EMC10: variants seen among roughly 807,000 people sequenced by gnomAD.
The protein encoded by EMC10 is UPF0510 protein INM02.
EMC10 carries 40 observed loss-of-function variants against 32.2 expected under a neutral mutation model. The ratio of observed to expected loss-of-function variants is 1.24; its 90% CI spans 0.96 to 1.61. EMC10 has a LOEUF of 1.61. EMC10 is among the 40% of genes most tolerant of loss of function. The probability of loss-of-function intolerance (pLI) is 0.00; values close to 1 mark genes in which losing one functional copy is unlikely to be tolerated. For missense variants in EMC10, 402 were observed against 357.7 expected, an observed-to-expected ratio of 1.12 and a Z score of -1.00; for synonymous variants, 178 against 158.4, an observed-to-expected ratio of 1.12 and a Z score of -0.93.
rs1468085162 is a variant in EMC10 at position 50,479,134 on chromosome 19, C to T, written c.297+68C>T. ...GGTTTCCAGCTGTCTCTTCAGCCAC[C>T]CCCTGCTGGTCCCCAGCAGCCTTCC... On this transcript the variant is annotated intron_variant, in intron 3 of 6. Coordinates refer to ENST00000334976, the MANE Select transcript of EMC10 (RefSeq NM_206538.4). 7 of 1,274,598 alleles carry T rather than the reference C, an allele frequency of 5.5e-6. No individual in the cohort carries two copies. In the East Asian group the frequency reaches 1.0e-4, roughly 18 times the overall value. The allele number at this position is 1,274,598 out of a possible 1,614,324, so 79.0% of individuals were successfully genotyped here.
chr19:50,480,531 G>A lies in EMC10; in HGVS notation c.403-50G>A. 2 of 1,538,180 alleles carry A rather than the reference G, an allele frequency of 1.3e-6. No homozygotes were observed. Among genetic ancestry groups the A allele is most frequent in the Non-Finnish European group, 1.8e-6 (2 of 1,139,418 alleles). ...GTGGGGGCCGGGGGAGGTTAGGGTG[G>A]AGCCCAGGCAGCAGGCTCCCCACCT... On this transcript the variant is annotated intron_variant, in intron 4 of 6. Coordinates refer to ENST00000334976, the MANE Select transcript of EMC10 (RefSeq NM_206538.4). The surrounding 1 kb of genome is among the most constrained non-coding windows in gnomAD (Gnocchi z 4.4).
chr19:50,477,783 A>C, intron 1 of EMC10, 146 bp from the exon 2 acceptor site: 1 of 568,224 alleles, frequency 1.8e-6, no homozygotes. Context: ...GGTGGTTTCT[A>C]GTGAAATAAA....
rs1183310958 is a variant in EMC10 at position 50,490,158 on chromosome 19, A to C, written c.*7899A>C. The C allele has an allele frequency of 3.4e-5, 5 of 148,500 alleles. No individual in the cohort carries two copies. In the East Asian group the frequency reaches 1.0e-3, roughly 30 times the overall value. The allele number at this position is 148,500 out of a possible 1,614,324, so 9.2% of individuals were successfully genotyped here. A position where few individuals can be genotyped will look rare whatever the true frequency, so the allele number is the denominator to read the frequency against. On this transcript the variant is annotated 3_prime_UTR_variant, in exon 7 of 7. Coordinates refer to ENST00000334976, the MANE Select transcript of EMC10 (RefSeq NM_206538.4). Reference sequence around the variant, plus strand: ...GAGACGGAGTCTTGCTGTGTTGCCCAAGCTAGAGTGCAGTGGCGCGATCTC... The same window carrying C: ...GAGACGGAGTCTTGCTGTGTTGCCCCAGCTAGAGTGCAGTGGCGCGATCTC...
chr19:50,479,058 C>A lies in EMC10; in HGVS notation c.289C>A (p.Arg97=). 1 of 1,603,682 alleles carries A rather than the reference C, an allele frequency of 6.2e-7. No individual in the cohort carries two copies. The highest frequency in any genetic ancestry group is 8.5e-7 in the Non-Finnish European group (1 of 1,176,232). ...QRQLSEEERG[R]LRDVAALNGL... ...GCAGCTCAGCGAGGAGGAGCGGGGC[C>A]GACTCCGGGTGAGGTGGGGCCCTCA... The change falls in exon 3 of 7, where the codon CGA becomes AGA. Residue 97 remains arginine (R), a synonymous_variant. Transcript: ENST00000334976.
rs539832814 is a variant in EMC10, at chr19:50,479,682, G to T, written c.298-429G>T. ...GTGCAGGCTTGATTCTGGTGGCCACGCGGTGAGGTCTGCCTGAGCACCCTT... is the reference window on the plus strand; with the variant it reads ...GTGCAGGCTTGATTCTGGTGGCCACTCGGTGAGGTCTGCCTGAGCACCCTT... On this transcript the variant is annotated intron_variant, in intron 3 of 6. Transcript: ENST00000334976. 8.5e-5 allele frequency among the ~76,000 whole-genome samples: 13 copies of T among 152,296 alleles called. No homozygotes were observed. In the East Asian group the frequency reaches 2.5e-3, roughly 29 times the overall value.
At chr19:50,476,684 C>T (rs1280940562) in intron 1 of EMC10, 26 bp downstream of exon 1, 3 of 1,402,554 alleles carry the variant, frequency 2.1e-6, no homozygotes, top group Non-Finnish European at 2.8e-6. Context: ...CTGTGCATAG[C>T]GGGCGCGGTC....
At position 50,483,492 on chromosome 19, in the gene EMC10, C is replaced by G. The variant is rs145665099; in HGVS notation, c.*1233C>G. ...GGCAGATCGGAAACGCGTTTATAAA[C>G]AAGTGATGGTTTGTGAGTCGACTGT... On this transcript the variant is annotated 3_prime_UTR_variant, in exon 7 of 7. Coordinates refer to ENST00000334976, the MANE Select transcript of EMC10 (RefSeq NM_206538.4). 8.3e-4 allele frequency: 147 copies of G among 176,352 alleles called. 2 individuals carry two copies. In the East Asian group the frequency reaches 0.025, roughly 30 times the overall value. 10.9% of individuals were successfully genotyped at this position (176,352 alleles called of 1,614,324 possible). A position where few individuals can be genotyped will look rare whatever the true frequency, so the allele number is the denominator to read the frequency against.
Position 50,479,006 on chromosome 19 carries a change from GGAT to G in EMC10, c.239_241del (p.Asp80del), listed in dbSNP as rs1384981035. Reference sequence around the variant, plus strand: ...GGGGCTCACTGCTCTGGAACCAGCAGGATGGTACCTTGTCCCTGTCACAGCGGC... The same window carrying G: ...GGGGCTCACTGCTCTGGAACCAGCAGGGTACCTTGTCCCTGTCACAGCGGC... On this transcript the variant is annotated inframe_deletion, in exon 3 of 7. Transcript: ENST00000334976. The G allele has an allele frequency of 6.2e-7, 1 of 1,611,562 alleles. No homozygotes were observed.
At position 50,490,664 on chromosome 19, in the gene EMC10, C is replaced by T. The variant is rs1172618786; in HGVS notation, c.*8405C>T. Reference sequence around the variant, plus strand: ...GCCTGGGCTCGGAGGAACATGCCCTCCGCCTAGTCCCTGACATCCTTTTCA... The same window carrying T: ...GCCTGGGCTCGGAGGAACATGCCCTTCGCCTAGTCCCTGACATCCTTTTCA... On this transcript the variant is annotated 3_prime_UTR_variant, in exon 7 of 7. Transcript: ENST00000334976. The T allele has an allele frequency of 6.6e-6, 1 of 152,118 alleles. No individual in the cohort carries two copies. Among genetic ancestry groups the T allele is most frequent in the African/African-American group, 2.4e-5 (1 of 41,396 alleles). The allele number at this position is 152,118 out of a possible 1,614,324, so 9.4% of individuals were successfully genotyped here. A position where few individuals can be genotyped will look rare whatever the true frequency, so the allele number is the denominator to read the frequency against.
Position 50,485,960 on chromosome 19 carries a change from G to A in EMC10, c.*3701G>A, listed in dbSNP as rs112290674. ...TGGCAAGGTAAATGCTCCAGGAGGG[G>A]TTGCTCCCTCCCATTTCCTGCCACC... On this transcript the variant is annotated 3_prime_UTR_variant, in exon 7 of 7. Transcript: ENST00000334976. 1,359 of 152,202 alleles carry A rather than the reference G, an allele frequency of 8.9e-3. 13 individuals are homozygous for A. Among genetic ancestry groups the A allele is most frequent in the Non-Finnish European group, 0.013 (852 of 68,038 alleles). 9.4% of individuals were successfully genotyped at this position (152,202 alleles called of 1,614,324 possible).
Position 50,486,432 on chromosome 19 carries a change from C to T in EMC10, c.*4173C>T, listed in dbSNP as rs1328107597. 5.3e-5 allele frequency: 8 copies of T among 152,168 alleles called. No homozygotes were observed. Among genetic ancestry groups the T allele is most frequent in the Admixed American group, 5.2e-4 (8 of 15,268 alleles). 9.4% of individuals were successfully genotyped at this position (152,168 alleles called of 1,614,324 possible). A position where few individuals can be genotyped will look rare whatever the true frequency, so the allele number is the denominator to read the frequency against. The stretch of plus-strand genomic sequence containing the variant: ...CTTGAACTCCTGACCTCAAGCGATC[C>T]ACCTTAGTCTCCTAAAGTGCTGGGA... On this transcript the variant is annotated 3_prime_UTR_variant, in exon 7 of 7. Coordinates refer to ENST00000334976, the MANE Select transcript of EMC10 (RefSeq NM_206538.4).
At chr19:50,476,802 A>G (rs113062591) in intron 1 of EMC10, 144 bp downstream of exon 1, 5 of 576,330 alleles carry the variant, frequency 8.7e-6, no homozygotes, top group African/African-American at 4.0e-5. Context: ...GGCCTCAGTC[A>G]CGCACGCGCA....
At position 50,476,509 on chromosome 19, in the gene EMC10, T is replaced by C; in HGVS notation, c.-36T>C. 4 of 1,570,508 alleles carry C rather than the reference T, an allele frequency of 2.5e-6. No individual in the cohort carries two copies. The highest frequency in any genetic ancestry group is 1.1e-5 in the South Asian group (1 of 88,216). On this transcript the variant is annotated 5_prime_UTR_variant, in exon 1 of 7. Coordinates refer to ENST00000334976, the MANE Select transcript of EMC10 (RefSeq NM_206538.4). ...CCCGGCGTGCTCCGCGGCTCTTGGC[T>C]CACAGCCGTCCCTTCGCTGGTGGGA... is the stretch of plus-strand genomic sequence containing the variant.
chr19:50,480,626 G>A lies in EMC10; in HGVS notation c.448G>A (p.Val150Met), dbSNP rs763966133. ...SHLSDQLTLH[V>M]DVAGNVVGVS... ...CCTGTCGGACCAGCTGACCCTGCAC[G>A]TGGATGTGGCCGGCAACGTGGTGGG... Residue 150 changes from valine to methionine, a missense_variant, in exon 5 of 7, where the codon GTG (valine) becomes ATG (methionine). Physicochemically the swap from Val to Met is conservative, Grantham distance 21. Transcript: ENST00000334976. This position sits in a 1 kb window ranked among gnomAD's most constrained non-coding sequence, Gnocchi z 4.4. 13 of 1,578,324 alleles carry A rather than the reference G, an allele frequency of 8.2e-6. No individual in the cohort carries two copies. The highest frequency in any genetic ancestry group is 1.7e-4 in the Middle Eastern group (1 of 6,034).
chr19:50,482,132 C>A lies in EMC10; in HGVS notation c.679-17C>A. On this transcript the variant is annotated splice_polypyrimidine_tract_variant and intron_variant, in intron 6 of 6. Coordinates refer to ENST00000334976, the MANE Select transcript of EMC10 (RefSeq NM_206538.4). ...CTCTTTCTGTGTCTGTCTGTCCATC[C>A]TTCCGTCCGGCTGCAGTGGATGTAC... 6.6e-7 allele frequency: 1 copy of A among 1,519,328 alleles called. No individual in the cohort carries two copies. The highest frequency in any genetic ancestry group is 9.1e-7 in the Non-Finnish European group (1 of 1,093,958). 94.1% of individuals were successfully genotyped at this position (1,519,328 alleles called of 1,614,324 possible).
rs957042012 is a variant in EMC10, at chr19:50,484,164, A to G, written c.*1905A>G. 2.6e-5 allele frequency: 4 copies of G among 151,048 alleles called. No homozygotes were observed. In the Admixed American group the frequency reaches 2.7e-4, roughly 10 times the overall value. 9.4% of individuals were successfully genotyped at this position (151,048 alleles called of 1,614,324 possible). On this transcript the variant is annotated 3_prime_UTR_variant, in exon 7 of 7. Transcript: ENST00000334976. ...TGCATCAGCCTCCCAAATAGCGGGGATTGCAGGCGCCCGCCAACACACCTG... is the reference window on the plus strand; with the variant it reads ...TGCATCAGCCTCCCAAATAGCGGGGGTTGCAGGCGCCCGCCAACACACCTG...
chr19:50,477,388 G>A (rs1271631834), intron 1 of EMC10, among the ~76,000 whole-genome samples: 1 of 152,224 alleles, frequency 6.6e-6, no homozygotes, highest in Non-Finnish European at 1.5e-5. Flanking sequence ...GGGCGACTGA[G>A]CGAGACCCTG....
rs1257278967 is a variant in EMC10 at position 50,478,004 on chromosome 19, G to A, written c.187+3G>A. ...GCTGGAGCACTCATTTGAGATCGGT[G>A]AGTCAGGCAACGTCCTCTCCTAGAC... On this transcript the variant is annotated splice_donor_region_variant and intron_variant, in intron 2 of 6. Transcript: ENST00000334976. 1.2e-6 allele frequency: 2 copies of A among 1,602,714 alleles called. No homozygotes were observed. Among genetic ancestry groups the A allele is most frequent in the South Asian group, 2.2e-5 (2 of 89,302 alleles).
chr19:50,477,920 C>T lies in EMC10; in HGVS notation c.115-9C>T, dbSNP rs2040254522. 1 of 1,596,554 alleles carries T rather than the reference C, an allele frequency of 6.3e-7. No individual in the cohort carries two copies. Among genetic ancestry groups the T allele is most frequent in the Non-Finnish European group, 8.5e-7 (1 of 1,174,386 alleles). ...GGTCCTCACCTGGGGCCTTCTGTGT[C>T]CTCTGCAGGCTGGGGCGGAAGGTCG... On this transcript the variant is annotated splice_polypyrimidine_tract_variant and intron_variant, in intron 1 of 6. Transcript: ENST00000334976.
Sources: allele counts gnomAD v4.1 joint callset (sites outside exome capture counted in the v4.1 genomes callset), GRCh38; gene constraint gnomAD v4.1.1; non-coding constraint Gnocchi (gnomAD v3.1); transcripts MANE v1.5; gene names NCBI Gene and HGNC (gene_info 2026-07-23, HGNC 2026-07-21).